Variants in PRKCH observed in about 807,000 individuals in gnomAD.
PRKCH encodes protein kinase C eta.
A neutral mutation model predicts 82.5 loss-of-function variants in PRKCH; 28 were observed. The observed-to-expected ratio is 0.34, with a 90% CI of 0.25 to 0.47. The LOEUF (loss-of-function observed/expected upper bound fraction) is 0.47, where lower values mean the gene tolerates loss of function less well. Ranked by LOEUF, PRKCH falls within the 20% of genes least tolerant of loss-of-function variation. The probability of loss-of-function intolerance (pLI) is 1.00; values close to 1 mark genes in which losing one functional copy is unlikely to be tolerated. For synonymous variants in PRKCH, 322 were observed against 327.4 expected (o/e 0.98, Z 0.18); for missense variants, 705 against 881.8 (o/e 0.80, Z 2.54).
At chr14:61,337,881 C>T (rs146661875) in intron 1 of PRKCH, among the ~76,000 whole-genome samples, 2 of 152,336 alleles carry the variant, frequency 1.3e-5, no homozygotes, top group Non-Finnish European at 1.5e-5. Flanking sequence ...CTTCATAGTA[C>T]GGCACAACAG....
At chr14:61,355,555 CAAAT>C (rs908279689) in intron 1 of PRKCH, among the ~76,000 whole-genome samples, 136 of 152,158 alleles carry the variant, frequency 8.9e-4, no homozygotes, top group Middle Eastern at 3.4e-3. Context: ...GGATGATCAT[CAAAT>C]AAATATTTTA....
intron 1 of PRKCH, among the ~76,000 whole-genome samples, chr14:61,310,584 C>T (rs897466396): frequency 1.3e-5 from 2 of 152,194 alleles, no homozygotes; most frequent in Admixed American, 6.5e-5. Flanking sequence ...TGGCTGCTTT[C>T]GAGGTGTTGG....
At chr14:61,505,769 A>G (rs550159220) in intron 10 of PRKCH, among the ~76,000 whole-genome samples, 35 of 152,086 alleles carry the variant, frequency 2.3e-4, no homozygotes, top group Middle Eastern at 3.2e-3. Flanking sequence ...ATACAGTCAC[A>G]TTGAAGGTTA....
intron 2 of PRKCH, among the ~76,000 whole-genome samples, chr14:61,399,838 C>T (rs1312938196): frequency 6.6e-6 from 1 of 151,996 alleles, no homozygotes; most frequent in African/African-American, 2.4e-5. Context: ...AGGAAAACTT[C>T]CTCAAAAACA....
intron 1 of PRKCH, among the ~76,000 whole-genome samples, chr14:61,363,792 GA>G (rs1487019718): frequency 6.6e-6 from 1 of 150,636 alleles, no homozygotes; most frequent in Non-Finnish European, 1.5e-5. Context: ...ACACCAGACA[GA>G]AGTGGAGGGA....
At chr14:61,428,630 G>T (rs907810347) in intron 2 of PRKCH, among the ~76,000 whole-genome samples, 1 of 152,176 alleles carries the variant, frequency 6.6e-6, no homozygotes. Flanking sequence ...GGGGTGGTTT[G>T]TTGTAGGACC....
chr14:61,398,387 G>A (rs932760457), intron 2 of PRKCH, among the ~76,000 whole-genome samples: 1 of 152,198 alleles, frequency 6.6e-6, no homozygotes, highest in East Asian at 1.9e-4. Flanking sequence ...AGAAACAACA[G>A]AAAGAAATTA....
chr14:61,451,754 T>A (rs1884518296), intron 6 of PRKCH, among the ~76,000 whole-genome samples: 1 of 152,132 alleles, frequency 6.6e-6, no homozygotes, highest in African/African-American at 2.4e-5. Flanking sequence ...ACACCCCAAG[T>A]CGCCAGTTGA....
At chr14:61,268,795 G>A (rs918933963) in intron 1 of PRKCH, among the ~76,000 whole-genome samples, 2 of 152,174 alleles carry the variant, frequency 1.3e-5, no homozygotes, top group Non-Finnish European at 2.9e-5. Flanking sequence ...GCAATTCAAA[G>A]CAATTCATAG....
chr14:61,519,818 A>G (rs1264180213), intron 10 of PRKCH, among the ~76,000 whole-genome samples: 3 of 152,136 alleles, frequency 2.0e-5, no homozygotes, highest in African/African-American at 4.8e-5. Flanking sequence ...TTGAAAATAT[A>G]AATGCCATCC....
intron 1 of PRKCH, among the ~76,000 whole-genome samples, chr14:61,282,617 G>A (rs2045281697): frequency 6.6e-6 from 1 of 150,916 alleles, no homozygotes; most frequent in Non-Finnish European, 1.5e-5. Flanking sequence ...GGACATATTA[G>A]GAGTAAGAAA....
intron 10 of PRKCH, among the ~76,000 whole-genome samples, chr14:61,504,429 A>G (rs1201516451): frequency 1.3e-5 from 2 of 152,128 alleles, no homozygotes; most frequent in African/African-American, 2.4e-5. Context: ...AATTTAAGTC[A>G]TCTACTCACC....
chr14:61,188,488 C>T (rs1328160209), intron 1 of PRKCH, among the ~76,000 whole-genome samples: 1 of 152,068 alleles, frequency 6.6e-6, no homozygotes, highest in East Asian at 1.9e-4. Flanking sequence ...CTTGTGGCTC[C>T]GCAACCCAAC....
intron 1 of PRKCH, among the ~76,000 whole-genome samples, chr14:61,369,534 A>C (rs191248922): frequency 4.0e-4 from 61 of 152,208 alleles, no homozygotes; most frequent in Non-Finnish European, 1.0e-4. Flanking sequence ...GTTACATCTT[A>C]ACTTTTCCCA....
chr14:61,414,136 A>C (rs1004019906), intron 2 of PRKCH, among the ~76,000 whole-genome samples: 1 of 151,992 alleles, frequency 6.6e-6, no homozygotes, highest in Non-Finnish European at 1.5e-5. Context: ...ATCTCTGGTC[A>C]TCTGTTTCAG....
At chr14:61,343,351 CAAAAA>C (rs57154047) in intron 1 of PRKCH, among the ~76,000 whole-genome samples, 8 of 87,344 alleles carry the variant, frequency 9.2e-5, no homozygotes, top group Non-Finnish European at 1.3e-4. Flanking sequence ...CCAGTTCCCT[CAAAAA>C]AAAAAAAAAA....
Position 61,513,738 on chromosome 14 carries a change from GT to G in PRKCH, c.1434-15336del, listed in dbSNP as rs1190418308. ...TGACAGTATGATAGTTTGTCATACT[GT>G]CAAATAGTTTCGAAAAACTCTGTGC... On this transcript the variant is annotated intron_variant, in intron 10 of 13. Transcript: ENST00000332981. Among the ~76,000 whole-genome samples, 3 of 152,048 alleles carry G rather than the reference GT, an allele frequency of 2.0e-5. No homozygotes were observed. The East Asian group carries it at 5.8e-4, about 29-fold the overall frequency.
chr14:61,459,376 G>A (rs972719109), intron 9 of PRKCH, among the ~76,000 whole-genome samples: 1 of 152,222 alleles, frequency 6.6e-6, no homozygotes, highest in African/African-American at 2.4e-5. Flanking sequence ...AGGTGAATAT[G>A]TCATACAGGG....
chr14:61,245,078 T>G (rs1235490048), intron 1 of PRKCH, among the ~76,000 whole-genome samples: 1 of 152,214 alleles, frequency 6.6e-6, no homozygotes, highest in Non-Finnish European at 1.5e-5. Context: ...CTATGTTTCT[T>G]GTTTCCCTCC....
Sources: allele counts gnomAD v4.1 joint callset (sites outside exome capture counted in the v4.1 genomes callset), GRCh38; gene constraint gnomAD v4.1.1; transcripts MANE v1.5; gene names NCBI Gene and HGNC (gene_info 2026-07-23, HGNC 2026-07-21).